NIPAL3: variants seen among roughly 807,000 people sequenced by gnomAD.
The protein encoded by NIPAL3 is NIPA-like protein 3.
Under a neutral mutation model 47.2 loss-of-function variants are expected in NIPAL3, and 41 were observed. That is an observed-to-expected ratio of 0.87 (90% CI 0.68 to 1.13). The LOEUF (loss-of-function observed/expected upper bound fraction) is 1.13. NIPAL3 is among the 50% of genes most tolerant of loss of function. NIPAL3 has a pLI of 0.00. For missense variants in NIPAL3, 449 were observed against 530.1 expected, an observed-to-expected ratio of 0.85 and a Z score of 1.50; for synonymous variants, 194 against 209.6, an observed-to-expected ratio of 0.93 and a Z score of 0.64.
intron 7 of NIPAL3, among the ~76,000 whole-genome samples, chr1:24,455,318 C>T (rs980247870): frequency 4.6e-5 from 7 of 152,208 alleles, no homozygotes; most frequent in African/African-American, 1.4e-4. Flanking sequence ...CAGGATGCTT[C>T]GCTGGGTACA....
intron 4 of NIPAL3, among the ~76,000 whole-genome samples, chr1:24,444,757 A>C (rs1294548223): frequency 6.6e-6 from 1 of 152,156 alleles, no homozygotes; most frequent in African/African-American, 2.4e-5. Context: ...TGGGTGTTAC[A>C]GTGGAAGAAG....
rs80308199 is a variant in NIPAL3, at chr1:24,459,868, G to T, written c.863-613G>T. Among the ~76,000 whole-genome samples, 544 of 152,324 alleles carry T rather than the reference G, an allele frequency of 3.6e-3. 18 individuals are homozygous for T. In the East Asian group the frequency reaches 0.079, roughly 22 times the overall value. On this transcript the variant is annotated intron_variant, in intron 9 of 11. Transcript: ENST00000374399. ...GAGTGAGAACAGAAGTCAAGGCAGG[G>T]AATCAGGAGCTCAGGAATACAGCTG...
At chr1:24,448,434 T>C (rs1456527894) in intron 5 of NIPAL3, among the ~76,000 whole-genome samples, 1 of 152,194 alleles carries the variant, frequency 6.6e-6, no homozygotes, top group African/African-American at 2.4e-5. Context: ...ATAGTAATTA[T>C]ATAGTTATTA....
rs746202018 is a variant in NIPAL3 at position 24,464,022 on chromosome 1, G to A, written c.927-4G>A. The A allele has an allele frequency of 3.0e-5, 48 of 1,609,110 alleles. No homozygotes were observed. In the East Asian group the frequency reaches 3.1e-4, roughly 10 times the overall value. ...TCTCTTCCTATCTTATCTCCATTCC[G>A]CAGGTGCCTCATTGCATTCTTGGGC... On this transcript the variant is annotated splice_region_variant and splice_polypyrimidine_tract_variant and intron_variant, in intron 10 of 11. Coordinates refer to ENST00000374399, the MANE Select transcript of NIPAL3 (RefSeq NM_020448.5).
intron 2 of NIPAL3, among the ~76,000 whole-genome samples, chr1:24,438,163 TCCAGCGAGCC>T (rs1645209085): frequency 1.3e-5 from 2 of 152,210 alleles, no homozygotes; most frequent in Admixed American, 6.5e-5. Flanking sequence ...TGGGCAGGTC[TCCAGCGAGCC>T]TTTTAGCTCT....
intron 10 of NIPAL3, 66 bp from the exon 11 acceptor site, chr1:24,463,960 G>A (rs1646588141): frequency 7.2e-7 from 1 of 1,384,108 alleles, no homozygotes; most frequent in Non-Finnish European, 1.0e-6. Flanking sequence ...ACCTGAGCCT[G>A]AAAGTGTGCC....
intron 5 of NIPAL3, among the ~76,000 whole-genome samples, chr1:24,445,880 A>C (rs999633078): frequency 2.0e-5 from 3 of 152,192 alleles, no homozygotes; most frequent in Non-Finnish European, 4.4e-5. Flanking sequence ...GCTCCACCTA[A>C]GTTGAGAAAT....
intron 8 of NIPAL3, among the ~76,000 whole-genome samples, chr1:24,458,556 C>G (rs923177145): frequency 4.7e-5 from 7 of 149,868 alleles, no homozygotes; most frequent in Admixed American, 4.0e-4. Context: ...AGGAATGGCT[C>G]TTTTTAGTGG....
chr1:24,439,154 T>A (rs1347795207), intron 2 of NIPAL3, among the ~76,000 whole-genome samples: 1 of 152,104 alleles, frequency 6.6e-6, no homozygotes, highest in Admixed American at 6.5e-5. Context: ...AATTTACCCA[T>A]GTAACACACC....
intron 2 of NIPAL3, among the ~76,000 whole-genome samples, chr1:24,437,470 A>G (rs1259814650): frequency 4.6e-5 from 7 of 152,248 alleles, no homozygotes; most frequent in African/African-American, 1.7e-4. Context: ...TGGGCTAATA[A>G]TAAACATGTC....
chr1:24,464,179 T>G, intron 11 of NIPAL3, 59 bp downstream of exon 11: 1 of 1,356,274 alleles, frequency 7.4e-7, no homozygotes, highest in South Asian at 1.3e-5. Context: ...TGCTACTTCC[T>G]GTTTAAAAAG....
At chr1:24,466,346 A>G (rs1251195771) in intron 11 of NIPAL3, 1 of 311,624 alleles carries the variant, frequency 3.2e-6, no homozygotes, top group Non-Finnish European at 6.0e-6. Flanking sequence ...AAACAGGACT[A>G]CTCTGCTAGC....
At chr1:24,461,843 C>T (rs1646486715) in intron 10 of NIPAL3, among the ~76,000 whole-genome samples, 1 of 149,356 alleles carries the variant, frequency 6.7e-6, no homozygotes, top group Non-Finnish European at 1.5e-5. Context: ...CATGCCTGGA[C>T]AATGAGAGCA....
chr1:24,413,755 C>T (rs1217399416), upstream of NIPAL3: 1 of 152,292 alleles, frequency 6.6e-6, no homozygotes, highest in Non-Finnish European at 1.5e-5. Context: ...TTCGCGAGTC[C>T]ACCTTCCGCC....
At position 24,470,523 on chromosome 1, in the gene NIPAL3, C is replaced by G. The variant is rs1405656237; in HGVS notation, c.*1338C>G. On this transcript the variant is annotated 3_prime_UTR_variant, in exon 12 of 12. Transcript: ENST00000374399. ...ATTTACAAAGATGTTCTGCTAAAAC[C>G]CCCAGGGCCCCATGCAGTCTTGCTA... 1 of 152,136 alleles carries G rather than the reference C, an allele frequency of 6.6e-6. No homozygotes were observed. Among genetic ancestry groups the G allele is most frequent in the Non-Finnish European group, 1.5e-5 (1 of 68,018 alleles). The allele number at this position is 152,136 out of a possible 1,614,324, so 9.4% of individuals were successfully genotyped here.
intron 2 of NIPAL3, among the ~76,000 whole-genome samples, chr1:24,439,908 T>C (rs961241899): frequency 2.6e-5 from 4 of 152,240 alleles, no homozygotes; most frequent in African/African-American, 9.6e-5. Flanking sequence ...TTAAAGGGAA[T>C]AGCACAGCAG....
At chr1:24,417,641 T>C (rs1388113870) in intron 1 of NIPAL3, among the ~76,000 whole-genome samples, 1 of 152,246 alleles carries the variant, frequency 6.6e-6, no homozygotes, top group Non-Finnish European at 1.5e-5. Context: ...CTGCAGGTAG[T>C]AGCAATAATT....
intron 2 of NIPAL3, among the ~76,000 whole-genome samples, chr1:24,438,701 G>A (rs1362261876): frequency 1.3e-5 from 2 of 152,188 alleles, no homozygotes; most frequent in African/African-American, 2.4e-5. Flanking sequence ...GTTAACTGCC[G>A]ATTCCCTAGG....
At chr1:24,450,582 A>G (rs1455332280) in intron 6 of NIPAL3, among the ~76,000 whole-genome samples, 5 of 152,220 alleles carry the variant, frequency 3.3e-5, no homozygotes, top group African/African-American at 1.2e-4. Context: ...GCTGTGCTAA[A>G]CACATTTTTA....
Sources: gnomAD v4.1 joint callset for allele counts (sites outside exome capture counted in the v4.1 genomes callset) on GRCh38, gnomAD v4.1.1 for gene constraint, MANE v1.5 for transcripts, NCBI Gene and HGNC (gene_info 2026-07-23, HGNC 2026-07-21) for gene names.